Variants in ARHGAP9 observed in about 807,000 individuals in gnomAD.
The protein encoded by ARHGAP9 is rho GTPase-activating protein 9.
Under a neutral mutation model 87.3 loss-of-function variants are expected in ARHGAP9, and 76 were observed. The ratio of observed to expected loss-of-function variants is 0.87; its 90% CI spans 0.72 to 1.05. The LOEUF (loss-of-function observed/expected upper bound fraction) is 1.05. ARHGAP9 is among the 50% of genes least tolerant of loss of function. The pLI is 0.00. For missense variants in ARHGAP9, 941 were observed against 960.5 expected, an observed-to-expected ratio of 0.98 and a Z score of 0.27; for synonymous variants, 382 against 394.9, an observed-to-expected ratio of 0.97 and a Z score of 0.39.
intron 1 of ARHGAP9, chr12:57,488,398 A>T: frequency 1.4e-6 from 1 of 728,926 alleles, no homozygotes; most frequent in South Asian, 1.8e-5. Context: ...TCAATATAAT[A>T]CCCTTCCCTT....
intron 17 of ARHGAP9, 141 bp downstream of exon 17, chr12:57,473,462 C>T (rs1565608202): frequency 4.5e-6 from 3 of 671,098 alleles, no homozygotes; most frequent in Non-Finnish European, 8.0e-6. Flanking sequence ...GTAATATGCT[C>T]CTGCACAGAG....
At chr12:57,475,710 C>A in intron 10 of ARHGAP9, 95 bp from the exon 11 acceptor site, 1 of 1,549,632 alleles carries the variant, frequency 6.5e-7, no homozygotes, top group Non-Finnish European at 8.7e-7. Flanking sequence ...CACATCCCGG[C>A]CCAGGCAAGG....
chr12:57,475,799 T>A, intron 10 of ARHGAP9, 34 bp downstream of exon 10: 1 of 1,607,768 alleles, frequency 6.2e-7, no homozygotes, highest in African/African-American at 1.3e-5. Flanking sequence ...TCCCGGCCGG[T>A]CGGAGCCTCC....
upstream of ARHGAP9, chr12:57,480,022 CAGAG>C: frequency 1.0e-6 from 1 of 985,386 alleles, no homozygotes; most frequent in Non-Finnish European, 1.2e-6. Context: ...AAGACCAAAT[CAGAG>C]AGAAAGACAA....
rs752970332 is a variant in ARHGAP9 at position 57,474,991 on chromosome 12, G to A, written c.1553-18C>T. The A allele has an allele frequency of 5.0e-6, 8 of 1,610,930 alleles. 1 individual carries two copies. In the South Asian group the frequency reaches 7.7e-5, roughly 15 times the overall value. Reference sequence around the variant, plus strand: ...CACCTGGTCTGGGGAAGTAGAGTGAGGCGGGAAGCCAGTGCCAGCGTCACT... The same window carrying A: ...CACCTGGTCTGGGGAAGTAGAGTGAAGCGGGAAGCCAGTGCCAGCGTCACT... On this transcript the variant is annotated intron_variant, in intron 12 of 17. Coordinates refer to ENST00000393791, the MANE Select transcript of ARHGAP9 (RefSeq NM_032496.4).
upstream of ARHGAP9, among the ~76,000 whole-genome samples, chr12:57,481,886 G>A (rs903328129): frequency 6.6e-6 from 1 of 152,072 alleles, no homozygotes; most frequent in Admixed American, 6.5e-5. Flanking sequence ...TGTGCTTTCT[G>A]CATACCCTCC....
At position 57,477,636 on chromosome 12, in the gene ARHGAP9, G is replaced by A. The variant is rs1304420775; in HGVS notation, c.579C>T (p.Asn193=). 8.7e-6 allele frequency: 14 copies of A among 1,613,312 alleles called. No individual in the cohort carries two copies. The East Asian group carries it at 3.1e-4, about 36-fold the overall frequency. ...PLMSEPPVYC[N]LVDLRRCPRS... is the part of the protein sequence containing the mutation. ...GAGGACAGCGGCGAAGGTCCACCAG[G>A]TTACAGTACACAGGGGGCTCTGACA... The change falls in exon 4 of 18, where the codon AAC becomes AAT. Residue 193 remains asparagine (N), a synonymous_variant. Transcript: ENST00000393791.
intron 17 of ARHGAP9, 110 bp downstream of exon 17, chr12:57,473,492 GC>G: frequency 1.1e-6 from 1 of 899,478 alleles, no homozygotes; most frequent in Admixed American, 1.9e-5. Flanking sequence ...TTCCTCACCT[GC>G]CCATTAAACT....
At chr12:57,483,927 G>C, upstream of ARHGAP9, 1 of 452,866 alleles carries the variant, frequency 2.2e-6, no homozygotes, top group Non-Finnish European at 4.4e-6. Flanking sequence ...TGTAGTCCCA[G>C]CTACTTGGGA....
upstream of ARHGAP9, among the ~76,000 whole-genome samples, chr12:57,483,393 T>C (rs1182293896): frequency 6.6e-6 from 1 of 152,156 alleles, no homozygotes; most frequent in East Asian, 1.9e-4. Flanking sequence ...ACTAGTCTCA[T>C]TGCATATAGT....
chr12:57,487,897 G>A lies in ARHGAP9; in HGVS notation c.-204+715C>T, dbSNP rs1747683072. 9.0e-6 allele frequency: 5 copies of A among 555,948 alleles called. No individual in the cohort carries two copies. In the East Asian group the frequency reaches 9.6e-5, roughly 11 times the overall value. 34.4% of individuals were successfully genotyped at this position (555,948 alleles called of 1,614,324 possible). On this transcript the variant is annotated intron_variant, in intron 1 of 20. Coordinates refer to the ARHGAP9 transcript ENST00000393797. ...AAAGTGCAGTCTAGCCCGCATCTGC[G>A]GCCTCTTCATCTCGATGATAGTCTT...
Position 57,474,906 on chromosome 12 carries a change from C to G in ARHGAP9, c.1620G>C (p.Leu540Phe), listed in dbSNP as rs1460260921. 21 of 1,614,142 alleles carry G rather than the reference C, an allele frequency of 1.3e-5. No individual in the cohort carries two copies. The highest frequency in any genetic ancestry group is 1.8e-5 in the Non-Finnish European group (21 of 1,180,026). Residue 540 changes from leucine (L) to phenylalanine (F), a missense_variant, in exon 13 of 18, where the codon TTG becomes TTC. Physicochemically the swap from Leu to Phe is conservative, Grantham distance 22. Transcript: ENST00000393791. ...QREGDTVPSF[L>F]RLCIAAVDKR... The stretch of plus-strand genomic sequence containing the variant: ...TATCCACAGCAGCAATGCAGAGCCG[C>G]AAAAAGCTGGGCACCGTGTCTCCTT...
chr12:57,488,491 C>A (rs1420956958), intron 1 of ARHGAP9: 3 of 1,376,484 alleles, frequency 2.2e-6, no homozygotes, highest in African/African-American at 2.9e-5. Context: ...TTCTCCTACA[C>A]CTATCAGGCA....
At position 57,476,906 on chromosome 12, in the gene ARHGAP9, G is replaced by A. The variant is rs767999843; in HGVS notation, c.928C>T (p.Pro310Ser). 1.5e-5 allele frequency: 24 copies of A among 1,613,868 alleles called. No individual in the cohort carries two copies. Among genetic ancestry groups the A allele is most frequent in the Non-Finnish European group, 1.9e-5 (22 of 1,179,970 alleles). The change falls in exon 6 of 18, where the codon CCT (proline) becomes TCT (serine). Residue 310 changes from proline to serine, a missense_variant. Transcript: ENST00000393791. ...TCCAGGAGCTGCGGCAGAGGTCGAG[G>A]GGCCTGCAAGGCTGGAGGGTCAAGC... ...SQLDPPALQAPRPLPQLLDDP... is the reference protein window; with the variant it reads ...SQLDPPALQASRPLPQLLDDP...
rs1872852278 is a variant in ARHGAP9, at chr12:57,474,459, C to T, written c.1747G>A (p.Asp583Asn). Reference protein sequence around the residue: ...LVDRERAVTSDGRYVFPEQPG... With the variant: ...LVDRERAVTSNGRYVFPEQPG... ...TGTTCTGGGAACACATACCTCCCATCGGAGGTGACCGCACGCTCTGCAACA... is the reference window on the plus strand; with the variant it reads ...TGTTCTGGGAACACATACCTCCCATTGGAGGTGACCGCACGCTCTGCAACA... Residue 583 changes from aspartate to asparagine, a missense_variant, in exon 15 of 18, where the codon GAT (aspartate) becomes AAT (asparagine). Physicochemically the swap from Asp to Asn is conservative, Grantham distance 23. Coordinates refer to ENST00000393791, the MANE Select transcript of ARHGAP9 (RefSeq NM_032496.4). 4 of 1,614,162 alleles carry T rather than the reference C, an allele frequency of 2.5e-6. No individual in the cohort carries two copies. The highest frequency in any genetic ancestry group is 3.4e-6 in the Non-Finnish European group (4 of 1,180,024).
Position 57,488,348 on chromosome 12 carries a change from C to T in ARHGAP9, c.-204+264G>A, listed in dbSNP as rs1231673707. ...ATTATCCTTGATCACTCCACGCCTTCTTCCCTCCCAGTCACATCTTTCACT... is the reference window on the plus strand; with the variant it reads ...ATTATCCTTGATCACTCCACGCCTTTTTCCCTCCCAGTCACATCTTTCACT... On this transcript the variant is annotated intron_variant, in intron 1 of 20. Transcript: ENST00000393797. The T allele has an allele frequency of 5.2e-6, 4 of 767,484 alleles. No individual in the cohort carries two copies. The South Asian group carries it at 7.0e-5, about 13-fold the overall frequency. 47.5% of individuals were successfully genotyped at this position (767,484 alleles called of 1,614,324 possible). A position where few individuals can be genotyped will look rare whatever the true frequency, so the allele number is the denominator to read the frequency against.
intron 3 of ARHGAP9, 73 bp from the exon 4 acceptor site, chr12:57,477,753 A>G (rs1305596621): frequency 2.4e-5 from 38 of 1,564,870 alleles, no homozygotes; most frequent in Non-Finnish European, 3.2e-5. Context: ...TGGCCTTCCC[A>G]CCTCCTGCTC....
In ARHGAP9 at chr12:57,476,852, A is replaced by C. The variant is rs760195776; in HGVS notation, c.963+19T>G. ...GGGCAGGGAGGATCTTGGCCTTCAC[A>C]AAGAAATGGGAGATTCACATGGGGG... On this transcript the variant is annotated intron_variant, in intron 6 of 17. Coordinates refer to ENST00000393791, the MANE Select transcript of ARHGAP9 (RefSeq NM_032496.4). 1 of 1,610,464 alleles carries C rather than the reference A, an allele frequency of 6.2e-7. No homozygotes were observed. The highest frequency in any genetic ancestry group is 1.1e-5 in the South Asian group (1 of 91,008).
At position 57,474,214 on chromosome 12, in the gene ARHGAP9, C is replaced by T. The variant is rs775552240; in HGVS notation, c.1784-38G>A. ...GGAGGTATAGGGGCTCATGAAGGGCCAGAAAGATTTAGAGACTGAGAGATT... is the reference window on the plus strand; with the variant it reads ...GGAGGTATAGGGGCTCATGAAGGGCTAGAAAGATTTAGAGACTGAGAGATT... On this transcript the variant is annotated intron_variant, in intron 15 of 17. Transcript: ENST00000393791. The T allele has an allele frequency of 2.5e-6, 4 of 1,598,240 alleles. No individual in the cohort carries two copies. In the South Asian group the frequency reaches 3.3e-5, roughly 13 times the overall value.
Sources: allele counts gnomAD v4.1 joint callset (sites outside exome capture counted in the v4.1 genomes callset), GRCh38; gene constraint gnomAD v4.1.1; transcripts MANE v1.5; gene names NCBI Gene and HGNC (gene_info 2026-07-23, HGNC 2026-07-21).